The following PANK2 variants were observed in gnomAD, a reference collection of about 807,000 sequenced individuals.
PANK2 encodes the protein pantothenate kinase 2, mitochondrial.
Under a neutral mutation model 43.1 loss-of-function variants are expected in PANK2, and 36 were observed. That is an observed-to-expected ratio of 0.84 (90% confidence interval 0.64 to 1.10). PANK2 has a LOEUF of 1.10. Ranked by LOEUF, PANK2 falls within the 50% of genes least tolerant of loss-of-function variation. The pLI is 0.00. For missense variants in PANK2, 576 were observed against 593.3 expected, an observed-to-expected ratio of 0.97 and a Z score of 0.30; for synonymous variants, 281 against 238.2, an observed-to-expected ratio of 1.18 and a Z score of -1.66.
rs113477153 is a variant in PANK2, at chr20:3,912,703, A to G, written c.1082+69A>G. 17 of 1,557,544 alleles carry G rather than the reference A, an allele frequency of 1.1e-5. No homozygotes were observed. The African/African-American group carries it at 1.2e-4, about 11-fold the overall frequency. On this transcript the variant is annotated intron_variant, in intron 4 of 6. Coordinates refer to ENST00000610179, the MANE Select transcript of PANK2 (RefSeq NM_001386393.1). ...GCGGTGGCTCATGCCTTTAATCCCA[A>G]AACTTTGAGAGGCCGAGATGGGCAG... is the stretch of plus-strand genomic sequence containing the variant.
chr20:3,894,814 A>G (rs1316660699), intron 1 of PANK2, among the ~76,000 whole-genome samples: 2 of 152,182 alleles, frequency 1.3e-5, no homozygotes, highest in Non-Finnish European at 2.9e-5. Flanking sequence ...AATACTAAGC[A>G]ATAAGCAGGG....
chr20:3,894,230 C>G lies in PANK2; in HGVS notation c.298+4502C>G, dbSNP rs562978757. On this transcript the variant is annotated intron_variant, in intron 1 of 6. Coordinates refer to ENST00000610179, the MANE Select transcript of PANK2 (RefSeq NM_001386393.1). ...ACAGGTGTGAGCCACCGTGCCTGACCGAAAAGATGTTGTTTGTTTGTTTGT... is the reference window on the plus strand; with the variant it reads ...ACAGGTGTGAGCCACCGTGCCTGACGGAAAAGATGTTGTTTGTTTGTTTGT... 1.6e-3 allele frequency among the ~76,000 whole-genome samples: 244 copies of G among 149,698 alleles called. 1 individual carries two copies. The highest frequency in any genetic ancestry group is 2.5e-3 in the Non-Finnish European group (170 of 67,452).
chr20:3,897,553 TGTG>T (rs1182415768), intron 1 of PANK2, among the ~76,000 whole-genome samples: 1 of 151,672 alleles, frequency 6.6e-6, no homozygotes, highest in Non-Finnish European at 1.5e-5. Flanking sequence ...ATTAGCTGGT[TGTG>T]GTGGCCTGCA....
At chr20:3,895,305 TAATA>T (rs2090187912) in intron 1 of PANK2, among the ~76,000 whole-genome samples, 1 of 151,366 alleles carries the variant, frequency 6.6e-6, no homozygotes, top group Non-Finnish European at 1.5e-5. Flanking sequence ...AAATAAATAA[TAATA>T]AACAAATTAG....
At chr20:3,899,221 G>T (rs1389927016) in intron 1 of PANK2, among the ~76,000 whole-genome samples, 1 of 147,326 alleles carries the variant, frequency 6.8e-6, no homozygotes, top group Non-Finnish European at 1.5e-5. Context: ...ATCCAGGCTG[G>T]AGTGCAGTGA....
intron 1 of PANK2, among the ~76,000 whole-genome samples, chr20:3,899,194 T>C (rs1487049616): frequency 7.0e-6 from 1 of 142,960 alleles, no homozygotes; most frequent in Non-Finnish European, 1.5e-5. Flanking sequence ...TTTTTTGAGA[T>C]GGAGTCTCGC....
intron 1 of PANK2, among the ~76,000 whole-genome samples, chr20:3,907,616 A>G (rs2090407495): frequency 6.6e-6 from 1 of 152,050 alleles, no homozygotes; most frequent in Non-Finnish European, 1.5e-5. Flanking sequence ...TTTGTTTTTC[A>G]CAGTTGAGGC....
Position 3,889,642 on chromosome 20 carries a change from G to A in PANK2, c.212G>A (p.Gly71Asp). The change falls in exon 1 of 7, where the codon GGC becomes GAC. Residue 71 changes from glycine to aspartate, a missense_variant. Gly to Asp is a moderately conservative substitution (Grantham distance 94, BLOSUM62 -1). Coordinates refer to ENST00000610179, the MANE Select transcript of PANK2 (RefSeq NM_001386393.1). ...CCCGCGGTCGGGGCCTCGGCTGAGG[G>A]CACGAGGCGGGATCGACTGGGCTCT... 6.3e-7 allele frequency: 1 copy of A among 1,579,646 alleles called. No homozygotes were observed. Among genetic ancestry groups the A allele is most frequent in the Non-Finnish European group, 8.5e-7 (1 of 1,171,480 alleles).
chr20:3,929,265 G>T lies in PANK2; in HGVS notation c.*5971G>T, dbSNP rs1280207632. On this transcript the variant is annotated 3_prime_UTR_variant, in exon 7 of 7. Coordinates refer to ENST00000610179, the MANE Select transcript of PANK2 (RefSeq NM_001386393.1). ...AAATAATTACGAAAATTAGCCAGGT[G>T]TGCTGGTGTGCACCTGTAGACGCAG... The T allele has an allele frequency of 1.3e-5, 2 of 152,328 alleles. No homozygotes were observed. The highest frequency in any genetic ancestry group is 6.5e-5 in the Admixed American group (1 of 15,284). The allele number at this position is 152,328 out of a possible 1,614,324, so 9.4% of individuals were successfully genotyped here.
At position 3,912,439 on chromosome 20, in the gene PANK2, T is replaced by A. The variant is rs1246135106; in HGVS notation, c.906-19T>A. 1 of 1,611,842 alleles carries A rather than the reference T, an allele frequency of 6.2e-7. No individual in the cohort carries two copies. The highest frequency in any genetic ancestry group is 1.7e-5 in the Admixed American group (1 of 60,020). On this transcript the variant is annotated intron_variant, in intron 3 of 6. Coordinates refer to ENST00000610179, the MANE Select transcript of PANK2 (RefSeq NM_001386393.1). The stretch of plus-strand genomic sequence containing the variant: ...TTTTAAAAATGTTATAATACTGTGT[T>A]AATTGTTTTTAATCATAGTCTTGGA...
At chr20:3,898,658 T>C (rs942425622) in intron 1 of PANK2, among the ~76,000 whole-genome samples, 52 of 152,116 alleles carry the variant, frequency 3.4e-4, no homozygotes, top group African/African-American at 1.2e-3. Context: ...CCAGAGTTAA[T>C]AGTTTAAAAA....
At chr20:3,889,174 G>A, upstream of PANK2, 3 of 1,607,350 alleles carry the variant, frequency 1.9e-6, no homozygotes, top group South Asian at 1.1e-5. Context: ...GGGCTACACC[G>A]CCTTCTCTTC....
At position 3,926,143 on chromosome 20, in the gene PANK2, T is replaced by C. The variant is rs1382900481; in HGVS notation, c.*2849T>C. ...CTGGATACAGGGGAGGGAGGAGAGA[T>C]ACAAGAGGGCACCTGGGCTCATTTG... On this transcript the variant is annotated 3_prime_UTR_variant, in exon 7 of 7. Transcript: ENST00000610179. 6.6e-6 allele frequency: 1 copy of C among 152,162 alleles called. No homozygotes were observed. Among genetic ancestry groups the C allele is most frequent in the Non-Finnish European group, 1.5e-5 (1 of 68,116 alleles). 9.4% of individuals were successfully genotyped at this position (152,162 alleles called of 1,614,324 possible). A position where few individuals can be genotyped will look rare whatever the true frequency, so the allele number is the denominator to read the frequency against.
chr20:3,891,311 TC>T (rs769002056), intron 1 of PANK2: 18 of 152,174 alleles, frequency 1.2e-4, no homozygotes, highest in Non-Finnish European at 2.5e-4. Flanking sequence ...TCTTCCCACT[TC>T]GGCCTCCCAA....
intron 4 of PANK2, among the ~76,000 whole-genome samples, chr20:3,913,779 T>C (rs181052717): frequency 1.7e-5 from 2 of 118,920 alleles, no homozygotes; most frequent in East Asian, 3.0e-4. Context: ...CACACACATA[T>C]ATATATATAT....
chr20:3,893,924 G>GTT (rs1046729224), intron 1 of PANK2, among the ~76,000 whole-genome samples: 34 of 124,902 alleles, frequency 2.7e-4, no homozygotes, highest in African/African-American at 9.8e-4. Context: ...TTTTTTGTTT[G>GTT]TTTTTTGTTT....
intron 6 of PANK2, 76 bp from the exon 7 acceptor site, chr20:3,923,168 C>T (rs2090673266): frequency 4.6e-6 from 7 of 1,528,644 alleles, no homozygotes; most frequent in African/African-American, 1.4e-5. Context: ...TTGGCTTTAA[C>T]ACTAGTCATC....
intron 5 of PANK2, 107 bp downstream of exon 5, chr20:3,917,157 G>T: frequency 1.4e-6 from 2 of 1,454,910 alleles, no homozygotes; most frequent in Non-Finnish European, 1.9e-6. Flanking sequence ...GTCATTTGGG[G>T]TGGGGTTTGT....
intron 1 of PANK2, among the ~76,000 whole-genome samples, chr20:3,893,702 C>T (rs147376087): frequency 8.5e-5 from 13 of 152,302 alleles, no homozygotes; most frequent in African/African-American, 3.1e-4. Context: ...CTTGACAACA[C>T]TAGCCTAGAA....
Sources: allele counts gnomAD v4.1 joint callset (sites outside exome capture counted in the v4.1 genomes callset), GRCh38; gene constraint gnomAD v4.1.1; transcripts MANE v1.5; gene names NCBI Gene and HGNC (gene_info 2026-07-23, HGNC 2026-07-21).